The following ATRX variants were observed in gnomAD, a reference collection of about 807,000 sequenced individuals.
ATRX encodes chromatin remodeler ATRX.
ATRX carries 12 observed loss-of-function variants against 172.6 expected under a neutral mutation model. The observed-to-expected ratio is 0.07, with a 90% CI of 0.04 to 0.11. ATRX has a LOEUF of 0.11. Ranked by LOEUF, ATRX falls within the 10% of genes least tolerant of loss-of-function variation. ATRX has a pLI of 1.00. For synonymous variants in ATRX, 674 were observed against 594.7 expected, an observed-to-expected ratio of 1.13 and a Z score of -1.94; for missense variants, 1,368 against 1,767.4, an observed-to-expected ratio of 0.77 and a Z score of 4.05.
At chrX:77,593,988 G>A (rs1158193166) in intron 25 of ATRX, 139 bp from the exon 26 acceptor site, 4 of 531,483 alleles carry the variant, frequency 7.5e-6, no homozygotes, top group Non-Finnish European at 1.3e-5. Flanking sequence ...GGAAAAAAGA[G>A]AAAGGCAGGC....
intron 1 of ATRX, among the ~76,000 whole-genome samples, chrX:77,729,418 C>CT (rs2074203313): frequency 9.0e-6 from 1 of 111,731 alleles, no homozygotes; most frequent in Non-Finnish European, 1.9e-5. Flanking sequence ...TTTCTTCTAC[C>CT]TTTTTGGTAC....
chrX:77,511,081 C>G (rs1362906591), intron 34 of ATRX, among the ~76,000 whole-genome samples: 1 of 112,436 alleles, frequency 8.9e-6, no homozygotes, highest in Non-Finnish European at 1.9e-5. Flanking sequence ...GCTTTCCAGA[C>G]AGCTTAGCAC....
At chrX:77,520,548 T>C (rs1557040915) in intron 34 of ATRX, among the ~76,000 whole-genome samples, 3 of 111,976 alleles carry the variant, frequency 2.7e-5, no homozygotes, top group Admixed American at 9.5e-5. Flanking sequence ...AATAAAATTA[T>C]ATGGACTAGA....
At chrX:77,518,059 T>C (rs1251327149) in intron 34 of ATRX, among the ~76,000 whole-genome samples, 2 of 111,958 alleles carry the variant, frequency 1.8e-5, no homozygotes, top group African/African-American at 6.5e-5. Context: ...TCACAGCCAG[T>C]ATCGTACTCA....
intron 22 of ATRX, among the ~76,000 whole-genome samples, chrX:77,603,532 ATTTTTTTT>A (rs35174330): frequency 2.1e-5 from 2 of 94,741 alleles, no homozygotes; most frequent in Non-Finnish European, 4.2e-5. Flanking sequence ...TGCTCGGCTA[ATTTTTTTT>A]TTTTTTTGTA....
At chrX:77,712,117 C>T (rs1167336237) in intron 2 of ATRX, among the ~76,000 whole-genome samples, 2 of 111,940 alleles carry the variant, frequency 1.8e-5, no homozygotes, top group African/African-American at 6.5e-5. Context: ...CTTGATTTCA[C>T]ATCCAATAAG....
intron 28 of ATRX, among the ~76,000 whole-genome samples, chrX:77,571,607 G>C (rs1459385164): frequency 8.9e-6 from 1 of 111,760 alleles, no homozygotes; most frequent in Non-Finnish European, 1.9e-5. Context: ...TAGTGAGAGA[G>C]AGCGAGCTTT....
chrX:77,673,219 T>C (rs782142022), intron 10 of ATRX, among the ~76,000 whole-genome samples: 2 of 111,453 alleles, frequency 1.8e-5, no homozygotes, highest in Admixed American at 9.6e-5. Flanking sequence ...AGGCTAATTA[T>C]TGAATTGAAA....
At chrX:77,611,109 G>A (rs1439873328) in intron 22 of ATRX, among the ~76,000 whole-genome samples, 1 of 110,637 alleles carries the variant, frequency 9.0e-6, no homozygotes, top group African/African-American at 3.3e-5. Flanking sequence ...TAGTTTATAA[G>A]ATTATAGGTA....
intron 2 of ATRX, among the ~76,000 whole-genome samples, chrX:77,707,107 T>G (rs2072869077): frequency 8.9e-6 from 1 of 112,224 alleles, no homozygotes; most frequent in Non-Finnish European, 1.9e-5. Context: ...CTAAGTAAAA[T>G]ATGTCAGAAG....
chrX:77,635,336 G>C (rs2068297528), intron 16 of ATRX, among the ~76,000 whole-genome samples: 1 of 111,157 alleles, frequency 9.0e-6, no homozygotes, highest in African/African-American at 3.3e-5. Flanking sequence ...TATCCAAAAA[G>C]AGAATGGCTT....
Position 77,592,610 on chromosome X carries a change from C to G in ATRX, c.6110+1086G>C, listed in dbSNP as rs189888550. On this transcript the variant is annotated intron_variant, in intron 26 of 34. Transcript: ENST00000373344. ...GGCAGATTACCTGAGGTCAGGAGTT[C>G]GAGACCAGCCTGACCAACATGGAGA... 1.9e-4 allele frequency among the ~76,000 whole-genome samples: 20 copies of G among 107,962 alleles called. No individual in the cohort carries two copies. The East Asian group carries it at 5.1e-3, about 27-fold the overall frequency. The allele number at this position is 107,962 out of a possible 115,157, so 93.8% of individuals were successfully genotyped here.
At chrX:77,768,465 T>A (rs1450507448) in intron 1 of ATRX, among the ~76,000 whole-genome samples, 1 of 112,550 alleles carries the variant, frequency 8.9e-6, no homozygotes, top group Non-Finnish European at 1.9e-5. Context: ...ATGTTTTAAC[T>A]GTCCAGCTGA....
rs781833361 is a variant in ATRX, at chrX:77,651,155, TGCAGTGA to T, written c.4557+952_4557+958del. Among the ~76,000 whole-genome samples the T allele has an allele frequency of 2.4e-4, 21 of 88,032 alleles. No individual in the cohort carries two copies. The East Asian group carries it at 8.1e-3, about 34-fold the overall frequency. The allele number at this position is 88,032 out of a possible 115,157, so 76.4% of individuals were successfully genotyped here. A position where few individuals can be genotyped will look rare whatever the true frequency, so the allele number is the denominator to read the frequency against. ...TCACTTGAACCCAGGAGGTGGAGGT[TGCAGTGA>T]GCCGAGATTGGGCCACTGCACTCCA... On this transcript the variant is annotated intron_variant, in intron 15 of 34. Transcript: ENST00000373344.
intron 22 of ATRX, among the ~76,000 whole-genome samples, chrX:77,607,345 A>T (rs911044707): frequency 1.8e-5 from 2 of 112,465 alleles, no homozygotes; most frequent in Non-Finnish European, 3.7e-5. Flanking sequence ...CTATATGCCA[A>T]CAGTGAACAA....
At chrX:77,689,369 C>G (rs2071759178) in intron 6 of ATRX, among the ~76,000 whole-genome samples, 1 of 112,081 alleles carries the variant, frequency 8.9e-6, no homozygotes, top group South Asian at 3.7e-4. Flanking sequence ...TTGGAATTGT[C>G]TGCACAGATC....
intron 25 of ATRX, chrX:77,595,981 G>A (rs933916077): frequency 2.7e-5 from 3 of 111,101 alleles, no homozygotes; most frequent in Admixed American, 9.6e-5. Context: ...TAGTCATTTC[G>A]TGATCATGAA....
At chrX:77,564,870 G>A (rs143920256) in intron 28 of ATRX, among the ~76,000 whole-genome samples, 20 of 111,619 alleles carry the variant, frequency 1.8e-4, no homozygotes, top group Middle Eastern at 4.6e-3. Flanking sequence ...AGCAAAAAAT[G>A]CAGCTGAATC....
At chrX:77,727,250 AC>A (rs1380762152) in intron 1 of ATRX, among the ~76,000 whole-genome samples, 4 of 111,909 alleles carry the variant, frequency 3.6e-5, no homozygotes, top group African/African-American at 1.3e-4. Flanking sequence ...AATTCGTTCA[AC>A]CATTGTGGAA....
Sources: gnomAD v4.1 joint callset for allele counts (sites outside exome capture counted in the v4.1 genomes callset) on GRCh38, gnomAD v4.1.1 for gene constraint, MANE v1.5 for transcripts, NCBI Gene and HGNC (gene_info 2026-07-23, HGNC 2026-07-21) for gene names.